HLCS: variants seen among roughly 807,000 people sequenced by gnomAD.
The protein encoded by HLCS is biotin--protein ligase.
HLCS carries 53 observed loss-of-function variants against 75.0 expected under a neutral mutation model. That is an observed-to-expected ratio of 0.71 (90% CI 0.57 to 0.89). The LOEUF is 0.89. Ranked by LOEUF, HLCS falls within the 40% of genes least tolerant of loss-of-function variation. The pLI is 0.00. For missense variants in HLCS, 966 were observed against 1,074.0 expected (o/e 0.90, Z 1.41); for synonymous variants, 431 against 428.6 (o/e 1.01, Z -0.07).
chr21:36,858,825 G>A (rs2063289439), intron 6 of HLCS, among the ~76,000 whole-genome samples: 1 of 152,198 alleles, frequency 6.6e-6, no homozygotes, highest in African/African-American at 2.4e-5. Flanking sequence ...CATGCACAAC[G>A]CACCAGAGGC....
At chr21:36,797,184 A>G (rs1203189728) in intron 6 of HLCS, among the ~76,000 whole-genome samples, 1 of 152,068 alleles carries the variant, frequency 6.6e-6, no homozygotes, top group Non-Finnish European at 1.5e-5. Flanking sequence ...ATCTCTCTTA[A>G]CACTGCCCTG....
At chr21:36,768,149 C>G (rs369525857) in intron 6 of HLCS, among the ~76,000 whole-genome samples, 1 of 152,242 alleles carries the variant, frequency 6.6e-6, no homozygotes, top group Non-Finnish European at 1.5e-5. Context: ...AGGTAGGATT[C>G]ATCAACAGAG....
intron 8 of HLCS, among the ~76,000 whole-genome samples, chr21:36,762,383 C>A (rs185399084): frequency 4.6e-5 from 7 of 151,824 alleles, no homozygotes; most frequent in East Asian, 3.9e-4. Flanking sequence ...AGGGAGGGTG[C>A]GGGGCCCGGG....
chr21:36,949,776 A>C (rs1343719687), intron 2 of HLCS, among the ~76,000 whole-genome samples: 1 of 152,220 alleles, frequency 6.6e-6, no homozygotes, highest in African/African-American at 2.4e-5. Context: ...GAGAGCTCAA[A>C]GCAGAGTCAC....
At chr21:36,886,020 T>G (rs1244724895) in intron 6 of HLCS, among the ~76,000 whole-genome samples, 2 of 152,066 alleles carry the variant, frequency 1.3e-5, no homozygotes, top group Non-Finnish European at 2.9e-5. Context: ...TGATATGCAA[T>G]TTCTGCAAAT....
intron 6 of HLCS, among the ~76,000 whole-genome samples, chr21:36,847,224 T>G (rs184346249): frequency 1.3e-5 from 2 of 152,308 alleles, no homozygotes; most frequent in East Asian, 3.9e-4. Flanking sequence ...AGATGGCATT[T>G]TTGACATTGA....
chr21:36,881,512 T>C (rs2064214258), intron 6 of HLCS, among the ~76,000 whole-genome samples: 1 of 152,182 alleles, frequency 6.6e-6, no homozygotes, highest in East Asian at 1.9e-4. Flanking sequence ...CACAGACAGC[T>C]GTCGGGGGAT....
intron 6 of HLCS, among the ~76,000 whole-genome samples, chr21:36,820,020 C>T (rs911458481): frequency 6.6e-6 from 1 of 152,196 alleles, no homozygotes; most frequent in African/African-American, 2.4e-5. Flanking sequence ...AAACCAGACT[C>T]ACGCCATGTC....
chr21:36,960,124 G>GCCCC (rs1276735967), intron 2 of HLCS, among the ~76,000 whole-genome samples: 4 of 19,306 alleles, frequency 2.1e-4, no homozygotes, highest in East Asian at 2.8e-3. Context: ...CTTGCATGGA[G>GCCCC]CCACCCACCC....
intron 6 of HLCS, among the ~76,000 whole-genome samples, chr21:36,830,415 G>A (rs1359617826): frequency 6.6e-6 from 1 of 152,184 alleles, no homozygotes; most frequent in African/African-American, 2.4e-5. Context: ...TTTGTTCTTA[G>A]ACTCAGAGAT....
intron 6 of HLCS, among the ~76,000 whole-genome samples, chr21:36,798,897 C>T (rs929282877): frequency 3.9e-5 from 6 of 152,178 alleles, no homozygotes; most frequent in South Asian, 2.1e-4. Flanking sequence ...AATATTGAGT[C>T]GTAAGGTTCT....
chr21:36,948,926 C>T (rs142627828), intron 2 of HLCS, among the ~76,000 whole-genome samples: 10 of 151,986 alleles, frequency 6.6e-5, no homozygotes, highest in Non-Finnish European at 1.5e-4. Flanking sequence ...GGGCAGGTCT[C>T]GCTGAATAAC....
At chr21:36,880,452 A>G (rs2064159861) in intron 6 of HLCS, among the ~76,000 whole-genome samples, 1 of 152,220 alleles carries the variant, frequency 6.6e-6, no homozygotes, top group African/African-American at 2.4e-5. Context: ...CCAGGTTTGC[A>G]ACATCTAAGT....
chr21:36,887,287 G>A (rs78282766), intron 6 of HLCS, among the ~76,000 whole-genome samples: 8,276 of 152,156 alleles, frequency 0.054, 740 homozygotes, highest in African/African-American at 0.19. Flanking sequence ...ACTGCACCCC[G>A]GAATGATGAA....
intron 6 of HLCS, among the ~76,000 whole-genome samples, chr21:36,847,434 G>A (rs1274362061): frequency 6.6e-6 from 1 of 152,114 alleles, no homozygotes; most frequent in Non-Finnish European, 1.5e-5. Flanking sequence ...AGTACAGAAA[G>A]TCAGAATAAG....
chr21:36,848,304 C>G (rs1342881108), intron 6 of HLCS, among the ~76,000 whole-genome samples: 1 of 147,054 alleles, frequency 6.8e-6, no homozygotes, highest in Non-Finnish European at 1.5e-5. Context: ...GAGTCTAGCT[C>G]TGTCACCCAG....
intron 6 of HLCS, among the ~76,000 whole-genome samples, chr21:36,866,808 C>T (rs559319228): frequency 6.6e-6 from 1 of 151,084 alleles, no homozygotes; most frequent in Non-Finnish European, 1.5e-5. Context: ...GTAGATGATG[C>T]TGGCTATAAA....
intron 6 of HLCS, among the ~76,000 whole-genome samples, chr21:36,875,755 C>T (rs1350828339): frequency 6.6e-6 from 1 of 152,218 alleles, no homozygotes; most frequent in Admixed American, 6.5e-5. Context: ...GAACTTGGGA[C>T]CTGCCCAATG....
At chr21:36,944,405 T>C (rs2146567579) in intron 2 of HLCS, among the ~76,000 whole-genome samples, 1 of 152,264 alleles carries the variant, frequency 6.6e-6, no homozygotes, top group East Asian at 1.9e-4. Context: ...TGCATTGGGG[T>C]GATGGTAATG....
Sources: gnomAD v4.1 joint callset for allele counts (sites outside exome capture counted in the v4.1 genomes callset) on GRCh38, gnomAD v4.1.1 for gene constraint, MANE v1.5 for transcripts, NCBI Gene and HGNC (gene_info 2026-07-23, HGNC 2026-07-21) for gene names.